OR5B2: variants seen among roughly 807,000 people sequenced by gnomAD.
OR5B2 encodes the protein olfactory receptor 5B2.
For missense variants in OR5B2, 411 were observed against 367.0 expected (o/e 1.12, Z -0.98); for synonymous variants, 163 against 140.8 (o/e 1.16, Z -1.11).
intron 2 of OR5B2, among the ~76,000 whole-genome samples, chr11:58,426,018 T>G (rs1855332626): frequency 6.6e-6 from 1 of 152,152 alleles, no homozygotes; most frequent in African/African-American, 2.4e-5. Flanking sequence ...TATTTTATAA[T>G]GTGCTCACTG....
In OR5B2 at chr11:58,422,755, G is replaced by A. The variant is rs77952368; in HGVS notation, c.507C>T (p.Ser169=). 1,574 of 1,613,806 alleles carry A rather than the reference G, an allele frequency of 9.8e-4. 13 individuals are homozygous for A. In the African/African-American group the frequency reaches 0.017, roughly 17 times the overall value. The change falls in exon 3 of 3, where the codon TCC becomes TCT. Residue 169 remains serine (S), a synonymous_variant. Coordinates refer to ENST00000641342, the MANE Select transcript of OR5B2 (RefSeq NM_001005566.3). ...GGIFSLSFCK[S]NLVHHFFCDV... ...CACAGAAAAAGTGATGTACCAGATT[G>A]GATTTACAGAAAGAGAGACTGAATA...
chr11:58,422,263 T>A lies in OR5B2; in HGVS notation c.*69A>T. ...ATTGTGGGGTTTCAAATGTAACTCATTGCATGAGGAAAGTCTGAGATGAGG... is the reference window on the plus strand; with the variant it reads ...ATTGTGGGGTTTCAAATGTAACTCAATGCATGAGGAAAGTCTGAGATGAGG... On this transcript the variant is annotated 3_prime_UTR_variant, in exon 3 of 3. Coordinates refer to ENST00000641342, the MANE Select transcript of OR5B2 (RefSeq NM_001005566.3). The A allele has an allele frequency of 1.1e-6, 1 of 913,604 alleles. No individual in the cohort carries two copies. The highest frequency in any genetic ancestry group is 2.4e-5 in the East Asian group (1 of 40,984). 56.6% of individuals were successfully genotyped at this position (913,604 alleles called of 1,614,324 possible).
chr11:58,422,365 G>T lies in OR5B2; in HGVS notation c.897C>A (p.Phe299Leu). ...SLRNREVQNA[F>L]KKVLRRQKFL ...ATTTTTGCCTTCTCAACACTTTCTTGAATGCATTCTGGACTTCTCTGTTCC... is the reference window on the plus strand; with the variant it reads ...ATTTTTGCCTTCTCAACACTTTCTTTAATGCATTCTGGACTTCTCTGTTCC... Residue 299 changes from phenylalanine to leucine, a missense_variant, in exon 3 of 3, where the codon TTC becomes TTA. Phe to Leu is a conservative substitution (Grantham distance 22). Coordinates refer to ENST00000641342, the MANE Select transcript of OR5B2 (RefSeq NM_001005566.3). 6.2e-7 allele frequency: 1 copy of T among 1,610,200 alleles called. No individual in the cohort carries two copies. The highest frequency in any genetic ancestry group is 8.5e-7 in the Non-Finnish European group (1 of 1,177,150).
chr11:58,423,341 A>C (rs1247957720), intron 2 of OR5B2, 52 bp from the exon 3 acceptor site: 1 of 835,192 alleles, frequency 1.2e-6, no homozygotes, highest in East Asian at 2.6e-5. Flanking sequence ...AAAGAGATTT[A>C]GAAATATATA....
chr11:58,422,510 C>G lies in OR5B2; in HGVS notation c.752G>C (p.Gly251Ala). 1 of 1,613,674 alleles carries G rather than the reference C, an allele frequency of 6.2e-7. No individual in the cohort carries two copies. The highest frequency in any genetic ancestry group is 1.1e-5 in the South Asian group (1 of 91,068). The change falls in exon 3 of 3, where the codon GGG (glycine) becomes GCG (alanine). Residue 251 changes from glycine (G) to alanine (A), a missense_variant. Transcript: ENST00000641342. ...CTGCAAGTAGATGAAGATTACTGTC[C>G]CATAGAAGACGGAGACTGCAGTGAA... Reference protein sequence around the residue: ...SHFTAVSVFYGTVIFIYLQPS... With the variant: ...SHFTAVSVFYATVIFIYLQPS...
chr11:58,423,693 T>C (rs946139148), intron 2 of OR5B2, among the ~76,000 whole-genome samples: 1 of 152,144 alleles, frequency 6.6e-6, no homozygotes, highest in African/African-American at 2.4e-5. Flanking sequence ...AACAATATAA[T>C]GAGGTTGATT....
intron 2 of OR5B2, among the ~76,000 whole-genome samples, chr11:58,423,513 T>A (rs1032524010): frequency 2.6e-5 from 4 of 152,152 alleles, no homozygotes; most frequent in Admixed American, 2.0e-4. Context: ...TTCCATTTTA[T>A]AAATTTATAA....
At chr11:58,423,368 T>TA in intron 2 of OR5B2, 79 bp from the exon 3 acceptor site, 2 of 610,436 alleles carry the variant, frequency 3.3e-6, no homozygotes, top group Non-Finnish European at 5.4e-6. Flanking sequence ...ATATGCATTA[T>TA]GTAATTATAG....
chr11:58,423,147 C>CACA lies in OR5B2; in HGVS notation c.112_114dup (p.Cys38dup). 1 of 1,613,700 alleles carries CACA rather than the reference C, an allele frequency of 6.2e-7. No homozygotes were observed. Among genetic ancestry groups the CACA allele is most frequent in the Non-Finnish European group, 8.5e-7 (1 of 1,179,792 alleles). On this transcript the variant is annotated inframe_insertion, in exon 3 of 3. Coordinates refer to ENST00000641342, the MANE Select transcript of OR5B2 (RefSeq NM_001005566.3). ...ATCAGCAACATCATCCCCAGGTTCC[C>CACA]ACACAGAGTGAGGAGGTAGATGAAG...
At chr11:58,425,980 G>A (rs1285162764) in intron 2 of OR5B2, among the ~76,000 whole-genome samples, 3 of 152,084 alleles carry the variant, frequency 2.0e-5, no homozygotes, top group Admixed American at 2.0e-4. Context: ...TTAGGCATGA[G>A]ACTGTGCTTC....
chr11:58,423,037 G>GTCCACCAGACTTGGTGGATACTCC lies in OR5B2; in HGVS notation c.224_225insGGAGTATCCACCAAGTCTGGTGGA (p.Val75_Thr76insGluTyrProProSerLeuValAsp). ...GGAACCCAGCCATGACCTTGGGAGT[G>GTCCACCAGACTTGGTGGATACTCC]ACAGCTGAGGAGTATCCAAAGTCCA... On this transcript the variant is annotated inframe_insertion, in exon 3 of 3. Coordinates refer to ENST00000641342, the MANE Select transcript of OR5B2 (RefSeq NM_001005566.3). 6.2e-7 allele frequency: 1 copy of GTCCACCAGACTTGGTGGATACTCC among 1,613,450 alleles called. No homozygotes were observed. Among genetic ancestry groups the GTCCACCAGACTTGGTGGATACTCC allele is most frequent in the East Asian group, 2.2e-5 (1 of 44,846 alleles).
In OR5B2 at chr11:58,423,194, A is replaced by G; in HGVS notation, c.68T>C (p.Ile23Thr). The change falls in exon 3 of 3, where the codon ATC becomes ACC. Residue 23 changes from isoleucine (I) to threonine (T), a missense_variant. By Grantham distance (89) the Ile-to-Thr change is moderately conservative. Transcript: ENST00000641342. ...GAAGGTGAACAAGATAAAGAGGGGG[A>G]TCTGTAGTTCTGGGACACTGGTTAG... The part of the protein sequence containing the change: ...LGLTSVPELQ[I>T]PLFILFTFIY... 6.2e-7 allele frequency: 1 copy of G among 1,613,454 alleles called. No individual in the cohort carries two copies. The highest frequency in any genetic ancestry group is 8.5e-7 in the Non-Finnish European group (1 of 1,179,604).
At position 58,422,772 on chromosome 11, in the gene OR5B2, G is replaced by C; in HGVS notation, c.490C>G (p.Leu164Val). 6.2e-7 allele frequency: 1 copy of C among 1,613,804 alleles called. No individual in the cohort carries two copies. The highest frequency in any genetic ancestry group is 8.5e-7 in the Non-Finnish European group (1 of 1,179,886). ...ACCAGATTGGATTTACAGAAAGAGA[G>C]ACTGAATATGCCCCCAATGTGGAAT... ...ASFHIGGIFS[L>V]SFCKSNLVHH... Residue 164 changes from leucine to valine, a missense_variant, in exon 3 of 3, where the codon CTC (leucine) becomes GTC (valine). Transcript: ENST00000641342.
chr11:58,425,320 G>A (rs1461384341), intron 2 of OR5B2, among the ~76,000 whole-genome samples: 1 of 151,750 alleles, frequency 6.6e-6, no homozygotes, highest in African/African-American at 2.4e-5. Context: ...CCTACCAATG[G>A]AAGTTTTGAC....
intron 1 of OR5B2, 56 bp downstream of exon 1, chr11:58,427,963 G>T (rs181102450): frequency 6.6e-6 from 1 of 152,364 alleles, no homozygotes; most frequent in East Asian, 1.9e-4. Flanking sequence ...CTGCCAGCTA[G>T]CATTGGTGTC....
Position 58,422,347 on chromosome 11 carries a change from C to T in OR5B2, c.915G>A (p.Arg305=), listed in dbSNP as rs756445295. ...VQNAFKKVLR[R]QKFL Reference sequence around the variant, plus strand: ...AATTCCAAACTTATAGAAATTTTTGCCTTCTCAACACTTTCTTGAATGCAT... The same window carrying T: ...AATTCCAAACTTATAGAAATTTTTGTCTTCTCAACACTTTCTTGAATGCAT... Residue 305 remains arginine (R), a synonymous_variant, in exon 3 of 3, where the codon AGG becomes AGA. Transcript: ENST00000641342. 5 of 1,599,518 alleles carry T rather than the reference C, an allele frequency of 3.1e-6. No homozygotes were observed. The highest frequency in any genetic ancestry group is 1.1e-5 in the South Asian group (1 of 89,834).
intron 2 of OR5B2, among the ~76,000 whole-genome samples, chr11:58,425,291 A>G (rs1481177647): frequency 6.6e-5 from 10 of 152,006 alleles, no homozygotes; most frequent in Non-Finnish European, 5.9e-5. Context: ...TTCTTTAGGG[A>G]AGCAGTATCA....
rs1853666575 is a variant in OR5B2 at position 58,422,225 on chromosome 11, T to C, written c.*107A>G. Reference sequence around the variant, plus strand: ...CTAAAGAGGTAAGAATATCACCTCATGAACTTAAATGTATTGTGGGGTTTC... The same window carrying C: ...CTAAAGAGGTAAGAATATCACCTCACGAACTTAAATGTATTGTGGGGTTTC... On this transcript the variant is annotated 3_prime_UTR_variant, in exon 3 of 3. Coordinates refer to ENST00000641342, the MANE Select transcript of OR5B2 (RefSeq NM_001005566.3). 1 of 641,930 alleles carries C rather than the reference T, an allele frequency of 1.6e-6. No individual in the cohort carries two copies. The highest frequency in any genetic ancestry group is 2.1e-5 in the South Asian group (1 of 46,894). 39.8% of individuals were successfully genotyped at this position (641,930 alleles called of 1,614,324 possible).
At position 58,425,352 on chromosome 11, in the gene OR5B2, CAT is replaced by C. The variant is rs1565157654; in HGVS notation, c.-29+1268_-29+1269del. On this transcript the variant is annotated intron_variant, in intron 2 of 2. Transcript: ENST00000641342. ...TGACATCTCTATACTCCAGCCTCAGCATATGTTTTTAGAAAAAAAATATTTAA... is the reference window on the plus strand; with the variant it reads ...TGACATCTCTATACTCCAGCCTCAGCATGTTTTTAGAAAAAAAATATTTAA... 2.0e-5 allele frequency among the ~76,000 whole-genome samples: 3 copies of C among 152,096 alleles called. No individual in the cohort carries two copies. The South Asian group carries it at 6.2e-4, about 31-fold the overall frequency.
Sources: gnomAD v4.1 joint callset for allele counts (sites outside exome capture counted in the v4.1 genomes callset) on GRCh38, gnomAD v4.1.1 for gene constraint, MANE v1.5 for transcripts, NCBI Gene and HGNC (gene_info 2026-07-23, HGNC 2026-07-21) for gene names.